Variants in APLF observed in about 807,000 individuals in gnomAD.
APLF encodes the protein aprataxin and PNKP like factor.
A neutral mutation model predicts 55.6 loss-of-function variants in APLF; 61 were observed. The ratio of observed to expected loss-of-function variants is 1.10; its 90% CI spans 0.89 to 1.36. APLF has a LOEUF of 1.36. Ranked by LOEUF, APLF falls within the 40% of genes most tolerant of loss-of-function variation. The pLI is 0.00. For synonymous variants in APLF, 207 were observed against 214.8 expected, an observed-to-expected ratio of 0.96 and a Z score of 0.32; for missense variants, 611 against 602.5, an observed-to-expected ratio of 1.01 and a Z score of -0.15.
At chr2:68,554,122 T>C (rs1670943395) in intron 8 of APLF, among the ~76,000 whole-genome samples, 1 of 152,056 alleles carries the variant, frequency 6.6e-6, no homozygotes, top group Admixed American at 6.6e-5. Context: ...AGCAAGTATG[T>C]AAACATAAAA....
chr2:68,497,196 G>GA (rs776936268), intron 2 of APLF, among the ~76,000 whole-genome samples: 3 of 152,100 alleles, frequency 2.0e-5, no homozygotes, highest in Non-Finnish European at 2.9e-5. Flanking sequence ...TACAATCATG[G>GA]AAAAAGGCAA....
chr2:68,537,032 G>A (rs1432188184), intron 6 of APLF, among the ~76,000 whole-genome samples: 2 of 151,956 alleles, frequency 1.3e-5, no homozygotes, highest in South Asian at 4.1e-4. Flanking sequence ...GGGCATGGTA[G>A]CATGTGCCTG....
At chr2:68,472,475 A>T (rs1675649812) in intron 1 of APLF, among the ~76,000 whole-genome samples, 2 of 152,108 alleles carry the variant, frequency 1.3e-5, no homozygotes, top group South Asian at 4.1e-4. Flanking sequence ...GTAGGGCATG[A>T]CTCCCCAGAC....
At chr2:68,516,225 A>C (rs1055579242) in intron 5 of APLF, among the ~76,000 whole-genome samples, 1 of 151,556 alleles carries the variant, frequency 6.6e-6, no homozygotes, top group East Asian at 1.9e-4. Context: ...TTTAAAGCCC[A>C]TGTACTAAGG....
intron 5 of APLF, among the ~76,000 whole-genome samples, chr2:68,518,269 T>C (rs1409573849): frequency 6.8e-4 from 80 of 116,944 alleles, no homozygotes; most frequent in African/African-American, 2.7e-3. Flanking sequence ...GAATAGATAA[T>C]ATATCAGTAT....
At position 68,529,314 on chromosome 2, in the gene APLF, C is replaced by T. The variant is rs1329884168; in HGVS notation, c.804+3072C>T. On this transcript the variant is annotated intron_variant, in intron 6 of 9. Transcript: ENST00000303795. The surrounding 1 kb of genome is among the most constrained non-coding windows in gnomAD (Gnocchi z 4.4). ...CGGTTGAAGAGGAGTGGGAAACAGC[C>T]AAAGAGTCCTGGGGCAGGCACAGGT... The T allele has an allele frequency of 1.7e-5, 23 of 1,374,182 alleles. No individual in the cohort carries two copies. In the East Asian group the frequency reaches 5.9e-4, roughly 35 times the overall value. The allele number at this position is 1,374,182 out of a possible 1,614,324, so 85.1% of individuals were successfully genotyped here.
Position 68,545,222 on chromosome 2 carries a change from C to T in APLF, c.1196C>T (p.Pro399Leu). ...NPVHFQHFSH[P>L]GDSDYGGVQI... Reference sequence around the variant, plus strand: ...GTTCATTTTCAACATTTTAGCCATCCTGGTGATAGTGATTATGGAGGTGTA... The same window carrying T: ...GTTCATTTTCAACATTTTAGCCATCTTGGTGATAGTGATTATGGAGGTGTA... The change falls in exon 8 of 10, where the codon CCT becomes CTT. Residue 399 changes from proline to leucine, a missense_variant. By Grantham distance (98) the Pro-to-Leu change is moderately conservative. Transcript: ENST00000303795. 3 of 1,613,668 alleles carry T rather than the reference C, an allele frequency of 1.9e-6. No homozygotes were observed. Among genetic ancestry groups the T allele is most frequent in the Middle Eastern group, 1.7e-4 (1 of 6,060 alleles).
chr2:68,485,203 A>G (rs1676098676), intron 1 of APLF, among the ~76,000 whole-genome samples: 1 of 152,016 alleles, frequency 6.6e-6, no homozygotes, highest in African/African-American at 2.4e-5. Flanking sequence ...CATTTTTTTA[A>G]AAAAAATCAG....
chr2:68,518,519 T>G (rs1442485156), intron 5 of APLF, among the ~76,000 whole-genome samples: 2 of 117,126 alleles, frequency 1.7e-5, no homozygotes, highest in African/African-American at 3.5e-5. Flanking sequence ...TAATATATTA[T>G]TATATTATAT....
chr2:68,498,002 A>G (rs1452524166), intron 2 of APLF, among the ~76,000 whole-genome samples: 1 of 124,940 alleles, frequency 8.0e-6, no homozygotes, highest in Admixed American at 7.1e-5. Context: ...AGATTGATGT[A>G]TTTATTCAGC....
At chr2:68,570,948 C>T (rs1447705566) in intron 9 of APLF, among the ~76,000 whole-genome samples, 2 of 152,198 alleles carry the variant, frequency 1.3e-5, no homozygotes, top group African/African-American at 2.4e-5. Context: ...CATATCCTCT[C>T]CAGCACCTGT....
intron 5 of APLF, 21 bp downstream of exon 5, chr2:68,513,701 A>G (rs1465973687): frequency 1.2e-6 from 2 of 1,607,106 alleles, no homozygotes; most frequent in South Asian, 1.1e-5. Flanking sequence ...GTTTCTACTA[A>G]TGCTGACTTT....
chr2:68,491,281 A>G (rs1016588990), intron 2 of APLF, among the ~76,000 whole-genome samples: 11 of 152,184 alleles, frequency 7.2e-5, no homozygotes, highest in Admixed American at 7.2e-4. Context: ...TCATCTCTGT[A>G]TCCTCTCCAG....
chr2:68,514,024 C>A (rs1004604399), intron 5 of APLF, among the ~76,000 whole-genome samples: 4 of 151,672 alleles, frequency 2.6e-5, no homozygotes, highest in African/African-American at 9.7e-5. Flanking sequence ...AAATGCCAGA[C>A]GAATTGATAT....
At position 68,577,827 on chromosome 2, in the gene APLF, T is replaced by C; in HGVS notation, c.1341T>C (p.Asn447=). Residue 447 remains asparagine (N), a synonymous_variant, in exon 10 of 10, where the codon AAT becomes AAC. Coordinates refer to ENST00000303795, the MANE Select transcript of APLF (RefSeq NM_173545.3). ...CAATCTTCTGTTTTGCAGTGAGAAA[T>C]GTTTTAGATGAAGATAATGATAATG... ...EYRHNTLPVR[N]VLDEDNDNVG... The C allele has an allele frequency of 1.2e-6, 2 of 1,612,954 alleles. No homozygotes were observed. The highest frequency in any genetic ancestry group is 2.2e-5 in the South Asian group (2 of 91,038).
chr2:68,499,014 T>TAAA (rs201129000), intron 2 of APLF, among the ~76,000 whole-genome samples: 4 of 147,632 alleles, frequency 2.7e-5, no homozygotes, highest in South Asian at 2.2e-4. Flanking sequence ...CTTATTTTGT[T>TAAA]AAAAAAAAAA....
intron 9 of APLF, chr2:68,568,253 A>G (rs1392519147): frequency 1.0e-6 from 1 of 985,052 alleles, no homozygotes; most frequent in Non-Finnish European, 1.2e-6. Flanking sequence ...TTCAGCGCAT[A>G]ATATTTCTGC....
At chr2:68,501,427 A>T (rs1045020513) in intron 2 of APLF, among the ~76,000 whole-genome samples, 2 of 135,760 alleles carry the variant, frequency 1.5e-5, no homozygotes, top group Non-Finnish European at 3.2e-5. Context: ...GATTGTACTT[A>T]AAAAAAAAAA....
At chr2:68,518,376 CTGTAT>C (rs1669721684) in intron 5 of APLF, among the ~76,000 whole-genome samples, 1 of 98,466 alleles carries the variant, frequency 1.0e-5, no homozygotes, top group Non-Finnish European at 1.8e-5. Context: ...TAATATATGA[CTGTAT>C]TATATTATTA....
Sources: allele counts gnomAD v4.1 joint callset (sites outside exome capture counted in the v4.1 genomes callset), GRCh38; gene constraint gnomAD v4.1.1; non-coding constraint Gnocchi (gnomAD v3.1); transcripts MANE v1.5; gene names NCBI Gene and HGNC (gene_info 2026-07-23, HGNC 2026-07-21).